Variants in RPL35A observed in about 807,000 individuals in gnomAD.
RPL35A encodes large ribosomal subunit protein eL33.
A neutral mutation model predicts 16.7 loss-of-function variants in RPL35A; 1 was observed. That is an observed-to-expected ratio of 0.06 (90% CI 0.02 to 0.28). The LOEUF (loss-of-function observed/expected upper bound fraction) is 0.28, where lower values mean the gene tolerates loss of function less well. RPL35A is among the 10% of genes least tolerant of loss of function. The probability of loss-of-function intolerance (pLI) is 1.00; values close to 1 mark genes in which losing one functional copy is unlikely to be tolerated. For missense variants in RPL35A, 91 were observed against 138.7 expected (o/e 0.66, Z 1.73); for synonymous variants, 58 against 47.0 (o/e 1.23, Z -0.96).
Position 197,955,904 on chromosome 3 carries a change from C to G in RPL35A, c.*131C>G. The G allele has an allele frequency of 2.6e-6, 2 of 777,466 alleles. No individual in the cohort carries two copies. Among genetic ancestry groups the G allele is most frequent in the African/African-American group, 1.7e-5 (1 of 58,452 alleles). 48.2% of individuals were successfully genotyped at this position (777,466 alleles called of 1,614,324 possible). ...GAGGTTGCTCAGCATTTTTGGAGTA[C>G]AAGGGGGTCAGAGAGACATGTGATG... On this transcript the variant is annotated 3_prime_UTR_variant, in exon 5 of 5. Coordinates refer to ENST00000647248, the MANE Select transcript of RPL35A (RefSeq NM_000996.4).
intron 1 of RPL35A, 21 bp downstream of exon 1, chr3:197,950,242 T>A: frequency 8.1e-7 from 1 of 1,230,782 alleles, no homozygotes; most frequent in Non-Finnish European, 1.0e-6. Flanking sequence ...GGTCTGCTGC[T>A]GAAATTTGGG....
chr3:197,954,092 G>T lies in RPL35A; in HGVS notation c.254G>T (p.Arg85Leu). ...GCCCATGGAAACAGTGGCATGGTTC[G>T]TGCCAAATTCCGAAGCAATCTTCCT... is the stretch of plus-strand genomic sequence containing the variant. ...TRAHGNSGMV[R>L]AKFRSNLPAK... Residue 85 changes from arginine (R) to leucine (L), a missense_variant, in exon 4 of 5, where the codon CGT (arginine) becomes CTT (leucine). Coordinates refer to ENST00000647248, the MANE Select transcript of RPL35A (RefSeq NM_000996.4). 6.2e-7 allele frequency: 1 copy of T among 1,614,132 alleles called. No individual in the cohort carries two copies. The highest frequency in any genetic ancestry group is 1.3e-5 in the African/African-American group (1 of 75,046).
rs1280609587 is a variant in RPL35A at position 197,951,135 on chromosome 3, T to G, written c.12-24T>G. ...TTGGTTTTTTGAAGCTTATGTTTCA[T>G]GTTGTGTATCTTTTGTGTCTTAGGC... On this transcript the variant is annotated intron_variant, in intron 2 of 4. Transcript: ENST00000647248. 3 of 1,613,902 alleles carry G rather than the reference T, an allele frequency of 1.9e-6. No individual in the cohort carries two copies. In the Admixed American group the frequency reaches 5.0e-5, roughly 27 times the overall value.
Position 197,954,034 on chromosome 3 carries a change from A to C in RPL35A, c.196A>C (p.Lys66Gln), listed in dbSNP as rs745423132. 6 of 1,613,544 alleles carry C rather than the reference A, an allele frequency of 3.7e-6. No individual in the cohort carries two copies. The African/African-American group carries it at 6.7e-5, about 18-fold the overall frequency. Residue 66 changes from lysine to glutamine, a missense_variant, in exon 4 of 5, where the codon AAA becomes CAA. Coordinates refer to ENST00000647248, the MANE Select transcript of RPL35A (RefSeq NM_000996.4). Reference protein sequence around the residue: ...NTVTPGGKPNKTRVIWGKVTR... With the variant: ...NTVTPGGKPNQTRVIWGKVTR... ...AGTCACTCCTGGCGGCAAACCAAAC[A>C]AAACCAGAGTCATCTGGGGAAAAGT...
rs1720019330 is a variant in RPL35A at position 197,950,959 on chromosome 3, A to T, written c.-9A>T. 1 of 1,614,178 alleles carries T rather than the reference A, an allele frequency of 6.2e-7. No homozygotes were observed. Among genetic ancestry groups the T allele is most frequent in the Admixed American group, 1.7e-5 (1 of 60,026 alleles). ...AGGCCTGCTGGGAACGGGACTTCTAAAAGGAACTATGTCTGGAAGGTACGC... is the reference window on the plus strand; with the variant it reads ...AGGCCTGCTGGGAACGGGACTTCTATAAGGAACTATGTCTGGAAGGTACGC... On this transcript the variant is annotated 5_prime_UTR_variant, in exon 2 of 5. Transcript: ENST00000647248.
At chr3:197,950,409 GAACGGC>G in intron 1 of RPL35A, 188 bp downstream of exon 1, 1 of 1,019,412 alleles carries the variant, frequency 9.8e-7, no homozygotes, top group African/African-American at 1.7e-5. Flanking sequence ...GACACCCGGA[GAACGGC>G]TGCCCGGGTT....
At chr3:197,950,348 A>G in intron 1 of RPL35A, 127 bp downstream of exon 1, 1 of 1,223,820 alleles carries the variant, frequency 8.2e-7, no homozygotes, top group South Asian at 4.2e-5. Flanking sequence ...GGTTTCAAGA[A>G]GAGGGAGAAC....
chr3:197,956,584 T>C lies in RPL35A; in HGVS notation c.*811T>C, dbSNP rs1373864481. 3.3e-5 allele frequency: 5 copies of C among 151,488 alleles called. No individual in the cohort carries two copies. The highest frequency in any genetic ancestry group is 5.9e-5 in the Non-Finnish European group (4 of 67,934). 9.4% of individuals were successfully genotyped at this position (151,488 alleles called of 1,614,324 possible). A position where few individuals can be genotyped will look rare whatever the true frequency, so the allele number is the denominator to read the frequency against. The stretch of plus-strand genomic sequence containing the variant: ...AAATATTTTAGATTTCTTGGGGATA[T>C]GCTAAAATAAAACAACTAAGGCATC... On this transcript the variant is annotated 3_prime_UTR_variant, in exon 5 of 5. Transcript: ENST00000647248.
intron 2 of RPL35A, 36 bp from the exon 3 acceptor site, chr3:197,951,123 G>C (rs1276340394): frequency 6.2e-7 from 1 of 1,613,818 alleles, no homozygotes; most frequent in Admixed American, 1.7e-5. Context: ...GTTTTTTGAA[G>C]CTTATGTTTC....
At position 197,951,258 on chromosome 3, in the gene RPL35A, T is replaced by G. The variant is rs143873081; in HGVS notation, c.111T>G (p.Asp37Glu). ...LLKIEGVYAR[D>E]ETEFYLGKRC... ...AAATTGAAGGTGTTTACGCCCGAGA[T>G]GAAACAGAATTCTATTTGGGCAAGA... Residue 37 changes from aspartate to glutamate, a missense_variant, in exon 3 of 5, where the codon GAT becomes GAG. Transcript: ENST00000647248. 1.9e-6 allele frequency: 3 copies of G among 1,614,188 alleles called. No individual in the cohort carries two copies. Among genetic ancestry groups the G allele is most frequent in the African/African-American group, 1.3e-5 (1 of 75,058 alleles).
chr3:197,950,771 T>A, intron 1 of RPL35A, 165 bp from the exon 2 acceptor site: 1 of 641,478 alleles, frequency 1.6e-6, no homozygotes, highest in Non-Finnish European at 2.7e-6. Flanking sequence ...TTTGAATGTC[T>A]TGCCGGACCC....
At chr3:197,951,081 C>T in intron 2 of RPL35A, 78 bp from the exon 3 acceptor site, 3 of 1,605,982 alleles carry the variant, frequency 1.9e-6, no homozygotes, top group Non-Finnish European at 2.6e-6. Context: ...CTCTGAGTAA[C>T]TTTTGGGTGG....
intron 4 of RPL35A, among the ~76,000 whole-genome samples, chr3:197,955,512 T>C (rs1007735160): frequency 6.6e-6 from 1 of 152,178 alleles, no homozygotes; most frequent in Non-Finnish European, 1.5e-5. Context: ...TCTGCCCGCC[T>C]AGGCCTCCCA....
Position 197,955,827 on chromosome 3 carries a change from G to C in RPL35A, c.*54G>C. On this transcript the variant is annotated 3_prime_UTR_variant, in exon 5 of 5. Transcript: ENST00000647248. ...GATTTGTGCTCTTGTATTTTTAAGT[G>C]GATTAAAAAACTTACTACCTTAAAT... 1 of 1,432,528 alleles carries C rather than the reference G, an allele frequency of 7.0e-7. No homozygotes were observed. Among genetic ancestry groups the C allele is most frequent in the South Asian group, 1.1e-5 (1 of 87,276 alleles). The allele number at this position is 1,432,528 out of a possible 1,614,324, so 88.7% of individuals were successfully genotyped here.
chr3:197,952,165 T>G (rs202016464), intron 3 of RPL35A, among the ~76,000 whole-genome samples: 12 of 102,732 alleles, frequency 1.2e-4, no homozygotes, highest in East Asian at 7.5e-4. Context: ...ATTATGGGTT[T>G]TTTTTTTTTT....
intron 1 of RPL35A, chr3:197,950,725 T>C (rs1178994330): frequency 1.2e-5 from 7 of 592,066 alleles, no homozygotes; most frequent in Non-Finnish European, 2.1e-5. Context: ...TTGTCTTCAT[T>C]CTGAAGTTTG....
chr3:197,953,086 A>G (rs1368694178), intron 3 of RPL35A, among the ~76,000 whole-genome samples: 2 of 152,272 alleles, frequency 1.3e-5, no homozygotes, highest in South Asian at 2.1e-4. Flanking sequence ...GGCGTGAGCC[A>G]TCGTGCCATT....
At chr3:197,951,351 C>G (rs369611749) in intron 3 of RPL35A, 40 bp downstream of exon 3, 34 of 1,603,934 alleles carry the variant, frequency 2.1e-5, no homozygotes, top group African/African-American at 1.1e-4. Context: ...TTTTTGAGAT[C>G]TGCCTCATTT....
At chr3:197,951,651 C>A in intron 3 of RPL35A, 1 of 294,326 alleles carries the variant, frequency 3.4e-6, no homozygotes, top group Non-Finnish European at 6.6e-6. Flanking sequence ...CCGCGCCTGG[C>A]CTCATTATCC....
Sources: allele counts gnomAD v4.1 joint callset (sites outside exome capture counted in the v4.1 genomes callset), GRCh38; gene constraint gnomAD v4.1.1; transcripts MANE v1.5; gene names NCBI Gene and HGNC (gene_info 2026-07-23, HGNC 2026-07-21).